The following RBMS1 variants were observed in gnomAD, a reference collection of about 807,000 sequenced individuals.
RBMS1 encodes RNA binding motif single stranded interacting protein 1, also known as RNA-binding motif, single-stranded-interacting protein 1.
In RBMS1, 17 loss-of-function variants were observed where a neutral mutation model predicts 62.3. That is an observed-to-expected ratio of 0.27 (90% CI 0.19 to 0.41). The LOEUF (loss-of-function observed/expected upper bound fraction) is 0.41, where lower values mean the gene tolerates loss of function less well. RBMS1 is among the 10% of genes least tolerant of loss of function. RBMS1 has a pLI of 1.00. For synonymous variants in RBMS1, 172 were observed against 170.0 expected (o/e 1.01, Z -0.09); for missense variants, 334 against 504.5 (o/e 0.66, Z 3.24).
At chr2:160,409,670 A>T (rs1695944450) in intron 1 of RBMS1, among the ~76,000 whole-genome samples, 1 of 152,114 alleles carries the variant, frequency 6.6e-6, no homozygotes, top group Non-Finnish European at 1.5e-5. Flanking sequence ...TCCCTGTACA[A>T]CCTCAGTTGT....
intron 11 of RBMS1, 59 bp from the exon 12 acceptor site, chr2:160,277,442 G>A (rs540440666): frequency 9.1e-6 from 12 of 1,314,710 alleles, no homozygotes; most frequent in Admixed American, 3.4e-5. Context: ...TTTGGAGTAC[G>A]TGGGGGGATT....
chr2:160,339,650 C>A (rs1313457092), intron 2 of RBMS1, among the ~76,000 whole-genome samples: 4 of 152,078 alleles, frequency 2.6e-5, no homozygotes. Flanking sequence ...TCTATATCTT[C>A]CCCATACTGA....
chr2:160,299,554 A>T (rs1689108049), intron 6 of RBMS1, among the ~76,000 whole-genome samples: 1 of 152,182 alleles, frequency 6.6e-6, no homozygotes, highest in African/African-American at 2.4e-5. Context: ...GACTGAAATT[A>T]TAGGAGAGCA....
chr2:160,456,018 T>A (rs979329006), intron 1 of RBMS1, among the ~76,000 whole-genome samples: 1 of 152,068 alleles, frequency 6.6e-6, no homozygotes, highest in Non-Finnish European at 1.5e-5. Context: ...GATTTATCCA[T>A]GATAAAAGCA....
At chr2:160,328,159 G>A (rs199834957) in intron 2 of RBMS1, among the ~76,000 whole-genome samples, 2 of 152,154 alleles carry the variant, frequency 1.3e-5, no homozygotes, top group South Asian at 2.1e-4. Context: ...CATCTGTAAA[G>A]TTGTATGATA....
chr2:160,407,845 C>T, intron 1 of RBMS1: 1 of 981,406 alleles, frequency 1.0e-6, no homozygotes, highest in South Asian at 4.7e-5. Context: ...ACTCTCCCGG[C>T]GGCAGCGGAG....
chr2:160,279,369 A>G (rs1194132806), intron 10 of RBMS1: 1 of 152,180 alleles, frequency 6.6e-6, no homozygotes, highest in Non-Finnish European at 1.5e-5. Flanking sequence ...GGAAAAAAAA[A>G]ACAATTGCTT....
At chr2:160,454,223 A>G (rs1271769346) in intron 1 of RBMS1, among the ~76,000 whole-genome samples, 3 of 152,232 alleles carry the variant, frequency 2.0e-5, no homozygotes, top group Non-Finnish European at 2.9e-5. Context: ...TTTAAACTAG[A>G]CATAGAAAGG....
chr2:160,296,151 T>C (rs1688923993), intron 6 of RBMS1, among the ~76,000 whole-genome samples: 1 of 152,208 alleles, frequency 6.6e-6, no homozygotes, highest in South Asian at 2.1e-4. Flanking sequence ...TTGTCTTTAC[T>C]TGGGCAGAAG....
intron 1 of RBMS1, among the ~76,000 whole-genome samples, chr2:160,455,785 G>A (rs1191044918): frequency 6.8e-6 from 1 of 147,836 alleles, no homozygotes; most frequent in African/African-American, 2.5e-5. Context: ...CCGGGTTCAC[G>A]CCATTCTCCT....
At chr2:160,390,730 G>T (rs1694823373) in intron 1 of RBMS1, among the ~76,000 whole-genome samples, 1 of 150,220 alleles carries the variant, frequency 6.7e-6, no homozygotes, top group Non-Finnish European at 1.5e-5. Context: ...ACTTTTGGCT[G>T]GAATGGCAGG....
chr2:160,333,832 G>A (rs559683080), intron 2 of RBMS1, among the ~76,000 whole-genome samples: 2 of 152,130 alleles, frequency 1.3e-5, no homozygotes, highest in East Asian at 3.9e-4. Flanking sequence ...TGTTGTGATG[G>A]AAACTCAGGA....
chr2:160,307,504 G>A lies in RBMS1; in HGVS notation c.403-4017C>T, dbSNP rs114578626. On this transcript the variant is annotated intron_variant, in intron 4 of 13. Coordinates refer to ENST00000348849, the MANE Select transcript of RBMS1 (RefSeq NM_016836.4). ...ATAGATATAAACAATGTCCATTAGC[G>A]TTTTCTGTCTTTGTAGCTCGTTATC... Among the ~76,000 whole-genome samples, 482 of 152,194 alleles carry A rather than the reference G, an allele frequency of 3.2e-3. 2 individuals are homozygous for A. The highest frequency in any genetic ancestry group is 0.02 in the Middle Eastern group (6 of 294).
intron 2 of RBMS1, 67 bp from the exon 3 acceptor site, chr2:160,318,294 T>G: frequency 1.4e-6 from 2 of 1,457,172 alleles, no homozygotes; most frequent in Non-Finnish European, 1.8e-6. Flanking sequence ...TAAGGAACCC[T>G]TATTAATGCC....
intron 3 of RBMS1, among the ~76,000 whole-genome samples, chr2:160,315,385 G>A (rs575077947): frequency 3.9e-5 from 6 of 152,274 alleles, no homozygotes; most frequent in South Asian, 2.1e-4. Context: ...GTGTAAAGAC[G>A]TTTTTGAAGG....
intron 1 of RBMS1, among the ~76,000 whole-genome samples, chr2:160,384,494 CA>C (rs1426861452): frequency 6.6e-6 from 1 of 152,074 alleles, no homozygotes. Flanking sequence ...AAACAATAAC[CA>C]AACAATTTCT....
At chr2:160,289,295 A>AT (rs1169040928) in intron 6 of RBMS1, among the ~76,000 whole-genome samples, 1 of 152,176 alleles carries the variant, frequency 6.6e-6, no homozygotes, top group Non-Finnish European at 1.5e-5. Context: ...TCATTAAGCT[A>AT]TTTTTTCCCC....
chr2:160,386,012 G>C (rs1353783127), intron 1 of RBMS1, among the ~76,000 whole-genome samples: 1 of 152,138 alleles, frequency 6.6e-6, no homozygotes, highest in Non-Finnish European at 1.5e-5. Context: ...AAGCCAAACT[G>C]AAAGAACTTC....
intron 7 of RBMS1, 36 bp from the exon 8 acceptor site, chr2:160,285,080 A>G (rs1236855135): frequency 1.3e-6 from 2 of 1,585,850 alleles, no homozygotes; most frequent in South Asian, 2.2e-5. Context: ...ACATTCATCT[A>G]GAAAGGCATG....
Sources: allele counts gnomAD v4.1 joint callset (sites outside exome capture counted in the v4.1 genomes callset), GRCh38; gene constraint gnomAD v4.1.1; transcripts MANE v1.5; gene names NCBI Gene and HGNC (gene_info 2026-07-23, HGNC 2026-07-21).